NCOA6: variants seen among roughly 807,000 people sequenced by gnomAD.
NCOA6 encodes the protein NRC RAP250.
A neutral mutation model predicts 171.4 loss-of-function variants in NCOA6; 49 were observed. The ratio of observed to expected loss-of-function variants is 0.29; its 90% CI spans 0.23 to 0.36. The LOEUF is 0.36. NCOA6 is among the 10% of genes least tolerant of loss of function. NCOA6 has a pLI of 1.00. For missense variants in NCOA6, 2,248 were observed against 2,554.5 expected (o/e 0.88, Z 2.59); for synonymous variants, 910 against 927.5 (o/e 0.98, Z 0.34).
intron 1 of NCOA6, among the ~76,000 whole-genome samples, chr20:34,813,780 T>C (rs1338490371): frequency 1.3e-5 from 2 of 151,920 alleles, no homozygotes; most frequent in Non-Finnish European, 2.9e-5. Context: ...AAAGTTTTAA[T>C]AAAACATTTA....
intron 11 of NCOA6, among the ~76,000 whole-genome samples, chr20:34,737,745 T>C (rs1473468553): frequency 6.6e-6 from 1 of 152,240 alleles, no homozygotes; most frequent in African/African-American, 2.4e-5. Flanking sequence ...TTTTACTCTC[T>C]TGTGGAAACT....
At chr20:34,759,032 T>G (rs534131120) in intron 5 of NCOA6, 99 bp from the exon 6 acceptor site, 142 of 1,357,264 alleles carry the variant, frequency 1.0e-4, no homozygotes, top group South Asian at 2.5e-4. Flanking sequence ...AAAATTTGTT[T>G]TTTTTTTTTT....
At chr20:34,800,139 GCAAT>G (rs1187651300) in intron 1 of NCOA6, among the ~76,000 whole-genome samples, 2 of 152,104 alleles carry the variant, frequency 1.3e-5, no homozygotes, top group African/African-American at 4.8e-5. Flanking sequence ...CTTTGTTTAT[GCAAT>G]CAGTGTTGTT....
intron 1 of NCOA6, among the ~76,000 whole-genome samples, chr20:34,797,455 A>G (rs1410198057): frequency 6.6e-6 from 1 of 152,004 alleles, no homozygotes; most frequent in Non-Finnish European, 1.5e-5. Context: ...TGAGGCCCCA[A>G]ATAATCAGCA....
At chr20:34,722,497 AG>A (rs1368280836) in intron 14 of NCOA6, among the ~76,000 whole-genome samples, 3 of 152,096 alleles carry the variant, frequency 2.0e-5, no homozygotes, top group Admixed American at 2.0e-4. Flanking sequence ...CTGGGCACAC[AG>A]GGAGACCCCA....
At chr20:34,776,887 G>C in intron 3 of NCOA6, 1 of 404,832 alleles carries the variant, frequency 2.5e-6, no homozygotes, top group South Asian at 1.8e-5. Context: ...GGGAGGCCGA[G>C]GCAGGTGGAT....
At position 34,811,201 on chromosome 20, in the gene NCOA6, G is replaced by GTATATATATATATATATATATA. The variant is rs10700283; in HGVS notation, c.-164+14249_-164+14270dup. Among the ~76,000 whole-genome samples the GTATATATATATATATATATATA allele has an allele frequency of 1.6e-3, 88 of 53,816 alleles. 6 individuals are homozygous for GTATATATATATATATATATATA. The highest frequency in any genetic ancestry group is 2.4e-3 in the Non-Finnish European group (65 of 27,238). 35.3% of individuals were successfully genotyped at this position (53,816 alleles called of 152,430 possible). The stretch of plus-strand genomic sequence containing the variant: ...TATTTAACAACAACAACAACAACGT[G>GTATATATATATATATATATATA]TATATATATATATATATATATATAT... On this transcript the variant is annotated intron_variant, in intron 1 of 14. Transcript: ENST00000359003.
chr20:34,727,571 A>G, intron 13 of NCOA6, among the ~76,000 whole-genome samples, 164 bp from the exon 14 acceptor site: 1 of 152,182 alleles, frequency 6.6e-6, no homozygotes, highest in South Asian at 2.1e-4. Context: ...ATTGCCTTCT[A>G]TGTTACTGGG....
In NCOA6 at chr20:34,740,805, T is replaced by A; in HGVS notation, c.5451A>T (p.Lys1817Asn). 1 of 1,614,252 alleles carries A rather than the reference T, an allele frequency of 6.2e-7. No homozygotes were observed. Among genetic ancestry groups the A allele is most frequent in the Non-Finnish European group, 8.5e-7 (1 of 1,180,044 alleles). The change falls in exon 11 of 15, where the codon AAA becomes AAT. Residue 1817 changes from lysine to asparagine, a missense_variant. By Grantham distance (94) the Lys-to-Asn change is moderately conservative. This residue lies in a region of NCOA6 where 884 missense variants were observed against 941.9 expected (regional missense o/e 0.94). Coordinates refer to ENST00000359003, the MANE Select transcript of NCOA6 (RefSeq NM_014071.5). The part of the protein sequence containing the change: ...RRSPVSSSKG[K>N]GKVDKIGQIL... ...TTTGGCCAATTTTGTCCACTTTTCC[T>A]TTGCCCTTACTAGACGAGACTGGGC...
At chr20:34,774,419 C>T (rs1182751007) in intron 4 of NCOA6, among the ~76,000 whole-genome samples, 1 of 152,238 alleles carries the variant, frequency 6.6e-6, no homozygotes, top group Non-Finnish European at 1.5e-5. Context: ...CCACTATTCT[C>T]TCATTTATCA....
In NCOA6 at chr20:34,825,486, G is replaced by C. The variant is rs2079127997; in HGVS notation, c.-178C>G. The C allele has an allele frequency of 6.7e-6, 1 of 148,156 alleles. No individual in the cohort carries two copies. The highest frequency in any genetic ancestry group is 1.5e-5 in the Non-Finnish European group (1 of 66,580). 9.2% of individuals were successfully genotyped at this position (148,156 alleles called of 1,614,324 possible). On this transcript the variant is annotated 5_prime_UTR_variant, in exon 1 of 15. Coordinates refer to ENST00000359003, the MANE Select transcript of NCOA6 (RefSeq NM_014071.5). ...CGTCCCCTCACCTGAGCGCGGCCCC[G>C]GCCCTCCCGGGCGGGCCTTGGAGCG...
chr20:34,797,679 G>A (rs910928545), intron 1 of NCOA6, among the ~76,000 whole-genome samples: 1 of 152,012 alleles, frequency 6.6e-6, no homozygotes, highest in African/African-American at 2.4e-5. Flanking sequence ...CCTAAGGTCA[G>A]GAGTCCCAGA....
At chr20:34,800,878 A>T (rs1205482257) in intron 1 of NCOA6, among the ~76,000 whole-genome samples, 1 of 152,232 alleles carries the variant, frequency 6.6e-6, no homozygotes, top group Non-Finnish European at 1.5e-5. Context: ...TAAGATATTT[A>T]CAGAACATTT....
At chr20:34,763,500 T>C (rs1382281075) in intron 5 of NCOA6, among the ~76,000 whole-genome samples, 1 of 152,192 alleles carries the variant, frequency 6.6e-6, no homozygotes, top group Non-Finnish European at 1.5e-5. Flanking sequence ...TCCTATTACC[T>C]AAAATTTTAG....
intron 3 of NCOA6, among the ~76,000 whole-genome samples, chr20:34,778,699 T>C (rs1266009116): frequency 6.6e-6 from 1 of 152,054 alleles, no homozygotes; most frequent in African/African-American, 2.4e-5. Flanking sequence ...GTGCTGGGAT[T>C]GCAGGCATGA....
Position 34,792,497 on chromosome 20 carries a change from G to C in NCOA6, c.-97C>G, listed in dbSNP as rs1024045037. On this transcript the variant is annotated 5_prime_UTR_variant, in exon 2 of 15. Transcript: ENST00000359003. ...ATCATTTATCCAGGTCATCTTCTAAGTCCAAAGAAGCTGGCATTTTTAGGG... is the reference window on the plus strand; with the variant it reads ...ATCATTTATCCAGGTCATCTTCTAACTCCAAAGAAGCTGGCATTTTTAGGG... 2.5e-6 allele frequency: 1 copy of C among 398,278 alleles called. No individual in the cohort carries two copies. The highest frequency in any genetic ancestry group is 4.4e-6 in the Non-Finnish European group (1 of 225,906). 24.7% of individuals were successfully genotyped at this position (398,278 alleles called of 1,614,324 possible). A position where few individuals can be genotyped will look rare whatever the true frequency, so the allele number is the denominator to read the frequency against.
At chr20:34,811,383 C>G (rs2078659967) in intron 1 of NCOA6, among the ~76,000 whole-genome samples, 1 of 151,766 alleles carries the variant, frequency 6.6e-6, no homozygotes, top group African/African-American at 2.4e-5. Context: ...AACCTCTGAT[C>G]TGTTGTCTAG....
At chr20:34,813,146 T>G (rs561932122) in intron 1 of NCOA6, among the ~76,000 whole-genome samples, 5 of 138,986 alleles carry the variant, frequency 3.6e-5, no homozygotes, top group Admixed American at 3.0e-4. Flanking sequence ...GAGACAAGAG[T>G]GAAACACTGT....
At chr20:34,816,224 C>T (rs1416989267) in intron 1 of NCOA6, among the ~76,000 whole-genome samples, 2 of 152,124 alleles carry the variant, frequency 1.3e-5, no homozygotes, top group African/African-American at 4.8e-5. Flanking sequence ...TCTATGTTAT[C>T]TCAAACACTA....
Sources: gnomAD v4.1 joint callset for allele counts (sites outside exome capture counted in the v4.1 genomes callset) on GRCh38, gnomAD v4.1.1 for gene constraint, gnomAD v4.1.1 regional missense constraint, MANE v1.5 for transcripts, NCBI Gene and HGNC (gene_info 2026-07-23, HGNC 2026-07-21) for gene names.